Variants in WASF3 observed in about 807,000 individuals in gnomAD.
The protein encoded by WASF3 is actin-binding protein WASF3.
A neutral mutation model predicts 46.6 loss-of-function variants in WASF3; 11 were observed. That is an observed-to-expected ratio of 0.24 (90% CI 0.15 to 0.39). The LOEUF is 0.39. Among genes scored for constraint, WASF3 ranks in the 10% least tolerant of loss-of-function variants. The probability of loss-of-function intolerance (pLI) is 1.00; values close to 1 mark genes in which losing one functional copy is unlikely to be tolerated. For synonymous variants in WASF3, 242 were observed against 259.7 expected (o/e 0.93, Z 0.65); for missense variants, 576 against 669.8 (o/e 0.86, Z 1.55).
chr13:26,653,196 T>C (rs940548320), intron 3 of WASF3, among the ~76,000 whole-genome samples: 1 of 152,208 alleles, frequency 6.6e-6, no homozygotes, highest in Non-Finnish European at 1.5e-5. Flanking sequence ...AACGGAGCAC[T>C]GGATCCCATA....
intron 2 of WASF3, among the ~76,000 whole-genome samples, chr13:26,634,627 G>A (rs539843819): frequency 3.9e-5 from 6 of 152,300 alleles, no homozygotes; most frequent in Admixed American, 2.0e-4. Context: ...GCTGGTACCG[G>A]TTGTTCCTTT....
rs140626051 is a variant in WASF3 at position 26,607,104 on chromosome 13, T to C, written c.-108-5857T>C. On this transcript the variant is annotated intron_variant, in intron 1 of 9. Coordinates refer to ENST00000335327, the MANE Select transcript of WASF3 (RefSeq NM_006646.6). The stretch of plus-strand genomic sequence containing the variant: ...AGAAAATTTAGTATATAGGGTTTAG[T>C]ACTATCCGCAGTTTTAGGCATCTGC... Among the ~76,000 whole-genome samples, 145 of 152,334 alleles carry C rather than the reference T, an allele frequency of 9.5e-4. 1 individual carries two copies. Among genetic ancestry groups the C allele is most frequent in the African/African-American group, 3.4e-3 (141 of 41,568 alleles).
At chr13:26,634,183 C>A (rs1881744052) in intron 2 of WASF3, among the ~76,000 whole-genome samples, 1 of 152,200 alleles carries the variant, frequency 6.6e-6, no homozygotes, top group Non-Finnish European at 1.5e-5. Context: ...GTATTGGGTG[C>A]ATATATATTT....
At chr13:26,570,682 C>G (rs2150473) in intron 1 of WASF3, among the ~76,000 whole-genome samples, 150,505 of 152,326 alleles carry the variant, frequency 0.99, 74,376 homozygotes, top group East Asian at 1. Context: ...GATGCAGTTT[C>G]GTTACCAGTC....
intron 5 of WASF3, among the ~76,000 whole-genome samples, chr13:26,670,490 A>G (rs1389981898): frequency 1.3e-5 from 2 of 152,206 alleles, no homozygotes; most frequent in Non-Finnish European, 2.9e-5. Flanking sequence ...AACTTAAAGT[A>G]TAATAATAAA....
intron 5 of WASF3, among the ~76,000 whole-genome samples, chr13:26,668,639 A>T (rs1306874826): frequency 1.3e-5 from 2 of 152,252 alleles, no homozygotes; most frequent in African/African-American, 4.8e-5. Flanking sequence ...CTCAGGGTCC[A>T]CAGGGAGATG....
At chr13:26,553,346 T>G (rs967306131), upstream of WASF3, among the ~76,000 whole-genome samples, 16 of 152,170 alleles carry the variant, frequency 1.1e-4, no homozygotes, top group Non-Finnish European at 1.8e-4. Flanking sequence ...GAGGGGGTAG[T>G]AACGGAGTCT....
At chr13:26,599,285 C>T (rs1013577460) in intron 1 of WASF3, among the ~76,000 whole-genome samples, 2 of 149,948 alleles carry the variant, frequency 1.3e-5, no homozygotes, top group African/African-American at 4.9e-5. Context: ...TGAGTTCAAG[C>T]AGTTCTCCTG....
At chr13:26,642,170 C>T in intron 2 of WASF3, 91 bp from the exon 3 acceptor site, 1 of 1,377,528 alleles carries the variant, frequency 7.3e-7, no homozygotes, top group South Asian at 1.7e-5. Flanking sequence ...ATGAAAATTC[C>T]TGGAAAATAG....
At chr13:26,603,196 AGAAAG>A (rs1342461527) in intron 1 of WASF3, among the ~76,000 whole-genome samples, 1 of 152,180 alleles carries the variant, frequency 6.6e-6, no homozygotes. Context: ...GGCCAGTTGT[AGAAAG>A]CTCAGCAGCT....
chr13:26,554,616 C>T (rs1390534659), upstream of WASF3, among the ~76,000 whole-genome samples: 1 of 152,152 alleles, frequency 6.6e-6, no homozygotes, highest in Admixed American at 6.5e-5. Context: ...CTGCCTTTTC[C>T]AGAATGAATA....
chr13:26,647,396 AT>A (rs1453419028), intron 3 of WASF3, among the ~76,000 whole-genome samples: 2 of 151,134 alleles, frequency 1.3e-5, no homozygotes, highest in Non-Finnish European at 3.0e-5. Context: ...GGGAATTTTG[AT>A]TTTTTTTTCT....
At chr13:26,615,408 A>AAGCGATTCTCCTGCCTC (rs1881101752) in intron 2 of WASF3, among the ~76,000 whole-genome samples, 1 of 152,106 alleles carries the variant, frequency 6.6e-6, no homozygotes, top group Non-Finnish European at 1.5e-5. Flanking sequence ...TCCCTGGTTC[A>AAGCGATTCTCCTGCCTC]AGCGATTCTC....
intron 1 of WASF3, among the ~76,000 whole-genome samples, chr13:26,594,998 T>C (rs986831475): frequency 3.9e-5 from 6 of 152,238 alleles, no homozygotes; most frequent in Non-Finnish European, 7.3e-5. Context: ...CCACCAGCAG[T>C]GTATAAGTAC....
In WASF3 at chr13:26,565,661, T is replaced by TA. The variant is rs149312031; in HGVS notation, c.-109+7842_-109+7843insA. ...CAAACACCTGTCTTGAGATTTTAAT[T>TA]CTTGCTGCAAACAGCATTTGTTTCC... On this transcript the variant is annotated intron_variant, in intron 1 of 9. Coordinates refer to ENST00000335327, the MANE Select transcript of WASF3 (RefSeq NM_006646.6). Among the ~76,000 whole-genome samples the TA allele has an allele frequency of 6.5e-3, 996 of 152,346 alleles. 13 individuals carry two copies. The highest frequency in any genetic ancestry group is 0.023 in the African/African-American group (953 of 41,578).
chr13:26,636,597 A>G (rs755703881), intron 2 of WASF3, among the ~76,000 whole-genome samples: 10 of 152,208 alleles, frequency 6.6e-5, no homozygotes, highest in Non-Finnish European at 1.5e-5. Context: ...TGCGTCGATC[A>G]TGCTGGGAGC....
At position 26,599,184 on chromosome 13, in the gene WASF3, CT is replaced by C. The variant is rs57148941; in HGVS notation, c.-108-13760del. ...GCCTGCCCTGCTCTTCTTTTCATTTCTTTTTTTTTTTTTTTTTGAGACGGAG... is the reference window on the plus strand; with the variant it reads ...GCCTGCCCTGCTCTTCTTTTCATTTCTTTTTTTTTTTTTTTTGAGACGGAG... On this transcript the variant is annotated intron_variant, in intron 1 of 9. Coordinates refer to ENST00000335327, the MANE Select transcript of WASF3 (RefSeq NM_006646.6). Among the ~76,000 whole-genome samples, 149 of 118,286 alleles carry C rather than the reference CT, an allele frequency of 1.3e-3. 1 individual carries two copies. The highest frequency in any genetic ancestry group is 4.2e-3 in the African/African-American group (130 of 31,014). 77.6% of individuals were successfully genotyped at this position (118,286 alleles called of 152,430 possible). A position where few individuals can be genotyped will look rare whatever the true frequency, so the allele number is the denominator to read the frequency against.
At chr13:26,579,246 C>T (rs1209925376) in intron 1 of WASF3, among the ~76,000 whole-genome samples, 1 of 151,656 alleles carries the variant, frequency 6.6e-6, no homozygotes, top group African/African-American at 2.4e-5. Flanking sequence ...AAGTGGTCCT[C>T]TTGCCTTAAG....
intron 1 of WASF3, among the ~76,000 whole-genome samples, chr13:26,562,258 T>C (rs1879315745): frequency 6.6e-6 from 1 of 152,044 alleles, no homozygotes; most frequent in Admixed American, 6.5e-5. Flanking sequence ...AAGCAGATAA[T>C]AGGCTCCCAC....
Sources: allele counts gnomAD v4.1 joint callset (sites outside exome capture counted in the v4.1 genomes callset), GRCh38; gene constraint gnomAD v4.1.1; transcripts MANE v1.5; gene names NCBI Gene and HGNC (gene_info 2026-07-23, HGNC 2026-07-21).